CNTN5: variants seen among roughly 807,000 people sequenced by gnomAD.
CNTN5 encodes the protein contactin 5.
Under a neutral mutation model 129.1 loss-of-function variants are expected in CNTN5, and 77 were observed. The ratio of observed to expected loss-of-function variants is 0.60; its 90% CI spans 0.50 to 0.72. The LOEUF (loss-of-function observed/expected upper bound fraction) is 0.72, where lower values mean the gene tolerates loss of function less well. Among genes scored for constraint, CNTN5 ranks in the 30% least tolerant of loss-of-function variants. CNTN5 has a pLI of 0.00. For synonymous variants in CNTN5, 509 were observed against 465.6 expected (o/e 1.09, Z -1.20); for missense variants, 1,478 against 1,328.8 (o/e 1.11, Z -1.75).
At chr11:99,553,940 C>T (rs1467879005) in intron 2 of CNTN5, among the ~76,000 whole-genome samples, 1 of 148,424 alleles carries the variant, frequency 6.7e-6, no homozygotes, top group Non-Finnish European at 1.5e-5. Context: ...GCCCTAAGGA[C>T]CAAGCACTGG....
At chr11:100,108,567 G>A (rs1482039732) in intron 13 of CNTN5, among the ~76,000 whole-genome samples, 2 of 152,148 alleles carry the variant, frequency 1.3e-5, no homozygotes, top group Non-Finnish European at 2.9e-5. Flanking sequence ...AAGATCCTCT[G>A]AGGGAAACAA....
intron 3 of CNTN5, among the ~76,000 whole-genome samples, chr11:99,608,981 T>C (rs1324215080): frequency 1.3e-5 from 2 of 152,166 alleles, no homozygotes; most frequent in African/African-American, 4.8e-5. Flanking sequence ...CCTTTCTCAC[T>C]GATAAATATG....
chr11:100,009,723 A>T (rs1349608043), intron 9 of CNTN5, among the ~76,000 whole-genome samples: 1 of 152,128 alleles, frequency 6.6e-6, no homozygotes, highest in Non-Finnish European at 1.5e-5. Flanking sequence ...AATAATGCCC[A>T]TTTGTCTTCT....
At chr11:99,516,347 G>A (rs1427718776) in intron 2 of CNTN5, among the ~76,000 whole-genome samples, 1 of 151,848 alleles carries the variant, frequency 6.6e-6, no homozygotes, top group Non-Finnish European at 1.5e-5. Context: ...TAATAACCTT[G>A]GGTAATTAAA....
chr11:99,625,912 A>C (rs1951111159), intron 3 of CNTN5, among the ~76,000 whole-genome samples: 1 of 31,032 alleles, frequency 3.2e-5, no homozygotes, highest in Non-Finnish European at 7.1e-5. Flanking sequence ...ATATATATAT[A>C]TATATATATA....
At chr11:99,893,893 T>C (rs1949130292) in intron 6 of CNTN5, among the ~76,000 whole-genome samples, 1 of 152,162 alleles carries the variant, frequency 6.6e-6, no homozygotes, top group Non-Finnish European at 1.5e-5. Context: ...TATCTGGCTT[T>C]GCATAGTTTA....
At chr11:99,289,265 A>G (rs1464712064) in intron 1 of CNTN5, among the ~76,000 whole-genome samples, 1 of 151,680 alleles carries the variant, frequency 6.6e-6, no homozygotes, top group East Asian at 1.9e-4. Flanking sequence ...TAATTTTTGT[A>G]TCTTTATTTT....
chr11:99,033,719 G>A (rs1423701530), intron 1 of CNTN5, among the ~76,000 whole-genome samples: 1 of 151,882 alleles, frequency 6.6e-6, no homozygotes, highest in Non-Finnish European at 1.5e-5. Flanking sequence ...TGCAAACAGG[G>A]ACAATTTGAC....
At chr11:99,319,163 G>A (rs572527412) in intron 1 of CNTN5, among the ~76,000 whole-genome samples, 7 of 152,214 alleles carry the variant, frequency 4.6e-5, no homozygotes, top group East Asian at 3.9e-4. Context: ...TAATATATTC[G>A]GAAGGATTTT....
chr11:99,411,819 A>G (rs1209504769), intron 2 of CNTN5, among the ~76,000 whole-genome samples: 3 of 152,212 alleles, frequency 2.0e-5, no homozygotes, highest in Non-Finnish European at 4.4e-5. Flanking sequence ...GTATAAACCC[A>G]TGGAACTCCA....
rs1257110764 is a variant in CNTN5 at position 99,289,908 on chromosome 11, T to C, written c.-209-35438T>C. ...ATCTTGGCTTAACATCTAATGTGTT[T>C]GCATATGCATGATTATAGTCTCCTC... On this transcript the variant is annotated intron_variant, in intron 1 of 24. Coordinates refer to ENST00000524871, the MANE Select transcript of CNTN5 (RefSeq NM_014361.4). Among the ~76,000 whole-genome samples, 6 of 151,846 alleles carry C rather than the reference T, an allele frequency of 4.0e-5. No individual in the cohort carries two copies. The East Asian group carries it at 1.2e-3, about 29-fold the overall frequency.
intron 1 of CNTN5, among the ~76,000 whole-genome samples, chr11:99,068,929 G>C (rs761529170): frequency 6.6e-6 from 1 of 151,932 alleles, no homozygotes; most frequent in Non-Finnish European, 1.5e-5. Flanking sequence ...AAATGGAAGA[G>C]GAAATCTCCC....
chr11:99,510,429 A>G (rs1351411936), intron 2 of CNTN5, among the ~76,000 whole-genome samples: 2 of 152,204 alleles, frequency 1.3e-5, no homozygotes, highest in Non-Finnish European at 2.9e-5. Context: ...TCTGACTTCT[A>G]ATATTACTGA....
chr11:99,702,082 G>A (rs1036810345), intron 3 of CNTN5, among the ~76,000 whole-genome samples: 4 of 151,010 alleles, frequency 2.6e-5, no homozygotes, highest in Middle Eastern at 6.8e-3. Flanking sequence ...GTTATTAATA[G>A]AGATAACTCT....
Position 99,927,638 on chromosome 11 carries a change from C to G in CNTN5, c.673+11489C>G, listed in dbSNP as rs562170340. On this transcript the variant is annotated intron_variant, in intron 7 of 24. Coordinates refer to ENST00000524871, the MANE Select transcript of CNTN5 (RefSeq NM_014361.4). ...CCTTCAGATCTCTGGAGAACTTGCT[C>G]ACTGTCATGAGAACAGCATGAGGAT... Among the ~76,000 whole-genome samples the G allele has an allele frequency of 3.9e-5, 6 of 152,188 alleles. No individual in the cohort carries two copies. The South Asian group carries it at 1.0e-3, about 26-fold the overall frequency.
chr11:99,184,732 A>G (rs532272584), intron 1 of CNTN5, among the ~76,000 whole-genome samples: 59 of 152,194 alleles, frequency 3.9e-4, no homozygotes, highest in African/African-American at 1.2e-3. Context: ...GAAACAATGA[A>G]CATCTGATTT....
Position 100,098,618 on chromosome 11 carries a change from T to C in CNTN5, c.1580+24324T>C, listed in dbSNP as rs148448702. Among the ~76,000 whole-genome samples the C allele has an allele frequency of 4.4e-3, 677 of 152,234 alleles. 1 individual carries two copies. Among genetic ancestry groups the C allele is most frequent in the Non-Finnish European group, 6.0e-3 (405 of 68,000 alleles). ...CCCTTTACCTTGAATGTATAAATTA[T>C]CTTTTAGATCTATTTGTTGCTATGT... On this transcript the variant is annotated intron_variant, in intron 13 of 24. Transcript: ENST00000524871.
At chr11:99,999,677 A>C (rs1308361124) in intron 8 of CNTN5, among the ~76,000 whole-genome samples, 3 of 152,174 alleles carry the variant, frequency 2.0e-5, no homozygotes, top group African/African-American at 7.2e-5. Flanking sequence ...AAAGGACTAT[A>C]AATCATGCTG....
intron 1 of CNTN5, among the ~76,000 whole-genome samples, chr11:99,029,276 GATCTTTAGAAC>G (rs1565258522): frequency 6.6e-6 from 1 of 151,484 alleles, no homozygotes; most frequent in Non-Finnish European, 1.5e-5. Flanking sequence ...GGGATATTGA[GATCTTTAGAAC>G]ATCAGCATTT....
Sources: gnomAD v4.1 joint callset for allele counts (sites outside exome capture counted in the v4.1 genomes callset) on GRCh38, gnomAD v4.1.1 for gene constraint, MANE v1.5 for transcripts, NCBI Gene and HGNC (gene_info 2026-07-23, HGNC 2026-07-21) for gene names.